The following BPIFB2 variants were observed in gnomAD, a reference collection of about 807,000 sequenced individuals.
BPIFB2 encodes the protein BPI fold-containing family B member 2.
A neutral mutation model predicts 50.1 loss-of-function variants in BPIFB2; 39 were observed. The observed-to-expected ratio is 0.78, with a 90% CI of 0.60 to 1.02. BPIFB2 has a LOEUF of 1.02. Among genes scored for constraint, BPIFB2 ranks in the 50% least tolerant of loss-of-function variants. BPIFB2 has a pLI of 0.00. For missense variants in BPIFB2, 574 were observed against 585.8 expected (o/e 0.98, Z 0.21); for synonymous variants, 280 against 256.3 (o/e 1.09, Z -0.88).
rs775653135 is a variant in BPIFB2 at position 33,018,297 on chromosome 20, T to C, written c.616T>C (p.Ser206Pro). The C allele has an allele frequency of 1.9e-6, 3 of 1,614,132 alleles. No homozygotes were observed. Among genetic ancestry groups the C allele is most frequent in the Non-Finnish European group, 1.7e-6 (2 of 1,179,984 alleles). Reference protein sequence around the residue: ...PVGPESQIRYSMVSVPTVTSD... With the variant: ...PVGPESQIRYPMVSVPTVTSD... The stretch of plus-strand genomic sequence containing the variant: ...GGGTCCTGAGTCCCAGATCCGCTAT[T>C]CCATGGTCAGTGTGCCCACTGTCAC... The change falls in exon 8 of 16, where the codon TCC becomes CCC. Residue 206 changes from serine (S) to proline (P), a missense_variant. Ser to Pro is a moderately conservative substitution (Grantham distance 74, BLOSUM62 -1). Transcript: ENST00000170150.
At chr20:33,020,226 C>T in intron 11 of BPIFB2, 102 bp from the exon 12 acceptor site, 6 of 1,160,842 alleles carry the variant, frequency 5.2e-6, no homozygotes, top group Non-Finnish European at 6.3e-6. Context: ...GCTCCACAGA[C>T]ACCTGCTGCC....
Position 33,009,087 on chromosome 20 carries a change from T to C in BPIFB2, c.109+404T>C, listed in dbSNP as rs953509312. On this transcript the variant is annotated intron_variant, in intron 2 of 15. Coordinates refer to ENST00000170150, the MANE Select transcript of BPIFB2 (RefSeq NM_025227.3). The surrounding 1 kb of genome is among the most constrained non-coding windows in gnomAD (Gnocchi z 4.2). The stretch of plus-strand genomic sequence containing the variant: ...TGCTGCCTGGATGTGTGTGCACAGG[T>C]ACGGCTGTTCACCCTGGGTGTACAC... 6.6e-6 allele frequency among the ~76,000 whole-genome samples: 1 copy of C among 152,184 alleles called. No individual in the cohort carries two copies. Among genetic ancestry groups the C allele is most frequent in the Non-Finnish European group, 1.5e-5 (1 of 68,030 alleles).
chr20:33,020,233 T>C, intron 11 of BPIFB2, 95 bp from the exon 12 acceptor site: 1 of 1,230,580 alleles, frequency 8.1e-7, no homozygotes, highest in Non-Finnish European at 1.2e-6. Context: ...AGACACCTGC[T>C]GCCTGAATGA....
At position 33,009,385 on chromosome 20, in the gene BPIFB2, A is replaced by T. The variant is rs1990257159; in HGVS notation, c.109+702A>T. On this transcript the variant is annotated intron_variant, in intron 2 of 15. Coordinates refer to ENST00000170150, the MANE Select transcript of BPIFB2 (RefSeq NM_025227.3). This position sits in a 1 kb window ranked among gnomAD's most constrained non-coding sequence, Gnocchi z 4.2. ...CAAGGTCCAGGACGCCAGCACAAACATGTTTATTCACCTCGAGTTGCCTCC... is the reference window on the plus strand; with the variant it reads ...CAAGGTCCAGGACGCCAGCACAAACTTGTTTATTCACCTCGAGTTGCCTCC... Among the ~76,000 whole-genome samples the T allele has an allele frequency of 6.6e-6, 1 of 152,116 alleles. No homozygotes were observed. The highest frequency in any genetic ancestry group is 2.1e-4 in the South Asian group (1 of 4,830).
At chr20:33,018,063 G>A (rs1303186578) in intron 7 of BPIFB2, among the ~76,000 whole-genome samples, 196 bp from the exon 8 acceptor site, 1 of 152,214 alleles carries the variant, frequency 6.6e-6, no homozygotes, top group East Asian at 1.9e-4. Context: ...CAGGCTGTGA[G>A]TAGCTCAATC....
rs1978760608 is a variant in BPIFB2 at position 33,023,533 on chromosome 20, T to G, written c.*150T>G. On this transcript the variant is annotated 3_prime_UTR_variant, in exon 16 of 16. Coordinates refer to ENST00000170150, the MANE Select transcript of BPIFB2 (RefSeq NM_025227.3). ...GCTGGGCTGTTTTATCTTCCCTGAG[T>G]GCCTGGGTCTCCCTCCCTCACTTCT... is the stretch of plus-strand genomic sequence containing the variant. 1.2e-6 allele frequency: 1 copy of G among 846,820 alleles called. No individual in the cohort carries two copies. The highest frequency in any genetic ancestry group is 1.9e-6 in the Non-Finnish European group (1 of 522,570). 52.5% of individuals were successfully genotyped at this position (846,820 alleles called of 1,614,324 possible).
chr20:33,019,932 C>T (rs1052667495), intron 11 of BPIFB2, among the ~76,000 whole-genome samples, 182 bp downstream of exon 11: 1 of 152,222 alleles, frequency 6.6e-6, no homozygotes, highest in Non-Finnish European at 1.5e-5. Context: ...ACTCTCCCAC[C>T]CTGGCTCTTG....
chr20:33,016,513 C>A (rs1039335871), intron 6 of BPIFB2, among the ~76,000 whole-genome samples: 2 of 152,210 alleles, frequency 1.3e-5, no homozygotes, highest in Non-Finnish European at 2.9e-5. Flanking sequence ...GTGCCCCTGG[C>A]CTTGCAGTTC....
Position 33,012,837 on chromosome 20 carries a change from C to T in BPIFB2, c.238C>T (p.His80Tyr), listed in dbSNP as rs1568976621. The T allele has an allele frequency of 1.2e-6, 2 of 1,614,008 alleles. No individual in the cohort carries two copies. Among genetic ancestry groups the T allele is most frequent in the Non-Finnish European group, 1.7e-6 (2 of 1,179,990 alleles). ...RILNVHVPRL[H>Y]LKFIAGFGVR... ...TCTGAATGTCCATGTGCCCCGCCTC[C>T]ACCTGAAATTCATTGCTGGTTTCGG... Residue 80 changes from histidine (H) to tyrosine (Y), a missense_variant, in exon 4 of 16, where the codon CAC (histidine) becomes TAC (tyrosine). His to Tyr is a moderately conservative substitution (Grantham distance 83). Coordinates refer to ENST00000170150, the MANE Select transcript of BPIFB2 (RefSeq NM_025227.3).
intron 4 of BPIFB2, 144 bp from the exon 5 acceptor site, chr20:33,013,666 A>T: frequency 1.7e-6 from 2 of 1,197,430 alleles, no homozygotes; most frequent in South Asian, 1.5e-5. Flanking sequence ...TGCCCCAGGT[A>T]GGGCCATCTC....
chr20:33,015,911 T>C (rs571095598), intron 6 of BPIFB2, among the ~76,000 whole-genome samples: 1 of 152,180 alleles, frequency 6.6e-6, no homozygotes, highest in South Asian at 2.1e-4. Context: ...GTTCCACATC[T>C]GTACTGAAAG....
intron 5 of BPIFB2, among the ~76,000 whole-genome samples, chr20:33,014,277 C>A (rs1034980385): frequency 6.6e-6 from 1 of 152,166 alleles, no homozygotes; most frequent in South Asian, 2.1e-4. Context: ...CGGAGACCCA[C>A]CCCTCCTAGC....
Position 33,023,568 on chromosome 20 carries a change from C to A in BPIFB2, c.*185C>A. On this transcript the variant is annotated 3_prime_UTR_variant, in exon 16 of 16. Transcript: ENST00000170150. ...TCCCTCCCTCACTTCTGCCCTTTCC[C>A]TTCCTCCTCCTCTTCTCCTCCCTCT... is the stretch of plus-strand genomic sequence containing the variant. 1 of 668,588 alleles carries A rather than the reference C, an allele frequency of 1.5e-6. No individual in the cohort carries two copies. The highest frequency in any genetic ancestry group is 2.7e-5 in the East Asian group (1 of 37,304). 41.4% of individuals were successfully genotyped at this position (668,588 alleles called of 1,614,324 possible).
In BPIFB2 at chr20:33,019,592, T is replaced by C. The variant is rs201033344; in HGVS notation, c.922T>C (p.Phe308Leu). ...GRLIPEVARQ[F>L]PEPMPVVLKV... is the part of the protein sequence containing the mutation. Reference sequence around the variant, plus strand: ...TCTGCCTCCCCAGGTGGCCCGCCAGTTTCCCGAGCCCATGCCTGTGGTGCT... The same window carrying C: ...TCTGCCTCCCCAGGTGGCCCGCCAGCTTCCCGAGCCCATGCCTGTGGTGCT... The change falls in exon 11 of 16, where the codon TTT becomes CTT. Residue 308 changes from phenylalanine (F) to leucine (L), a missense_variant. By Grantham distance (22) the Phe-to-Leu change is conservative (BLOSUM62 0). Coordinates refer to ENST00000170150, the MANE Select transcript of BPIFB2 (RefSeq NM_025227.3). The C allele has an allele frequency of 8.3e-5, 132 of 1,585,016 alleles. No individual in the cohort carries two copies. Among genetic ancestry groups the C allele is most frequent in the Non-Finnish European group, 1.1e-4 (129 of 1,162,424 alleles).
intron 11 of BPIFB2, 102 bp downstream of exon 11, chr20:33,019,852 C>A: frequency 7.4e-7 from 1 of 1,342,640 alleles, no homozygotes. Flanking sequence ...CTATTGTCTT[C>A]GCTGTTCCTT....
Position 33,012,900 on chromosome 20 carries a change from G to C in BPIFB2, c.301G>C (p.Val101Leu). The C allele has an allele frequency of 6.2e-7, 1 of 1,610,282 alleles. No individual in the cohort carries two copies. Among genetic ancestry groups the C allele is most frequent in the Non-Finnish European group, 8.5e-7 (1 of 1,176,566 alleles). Residue 101 changes from valine to leucine, a missense_variant, in exon 4 of 16, where the codon GTC becomes CTC. Physicochemically the swap from Val to Leu is conservative, Grantham distance 32. Coordinates refer to ENST00000170150, the MANE Select transcript of BPIFB2 (RefSeq NM_025227.3). The part of the protein sequence containing the change: ...LLAAANFTFK[V>L]FRAPEPLELT... ...GGCAGCAGCTAATTTTACTTTCAAG[G>C]TCTTTCGGTGAGCGGATCTCCTTGT... is the stretch of plus-strand genomic sequence containing the variant.
chr20:33,013,364 G>T (rs1054435293), intron 4 of BPIFB2, among the ~76,000 whole-genome samples: 1 of 152,152 alleles, frequency 6.6e-6, no homozygotes, highest in Non-Finnish European at 1.5e-5. Context: ...AGTCAGAGGG[G>T]TCTCTTATCT....
chr20:33,019,621 G>C lies in BPIFB2; in HGVS notation c.951G>C (p.Lys317Asn). The C allele has an allele frequency of 1.9e-6, 3 of 1,609,150 alleles. No homozygotes were observed. Among genetic ancestry groups the C allele is most frequent in the Non-Finnish European group, 2.5e-6 (3 of 1,176,964 alleles). ...CCGAGCCCATGCCTGTGGTGCTCAA[G>C]GTGCGGCTGGGTGCCACACCTGTGG... ...QFPEPMPVVL[K>N]VRLGATPVAM... The change falls in exon 11 of 16, where the codon AAG becomes AAC. Residue 317 changes from lysine to asparagine, a missense_variant. By Grantham distance (94) the Lys-to-Asn change is moderately conservative (BLOSUM62 0). Transcript: ENST00000170150.
At chr20:33,021,202 T>G in intron 13 of BPIFB2, 79 bp from the exon 14 acceptor site, 1 of 1,455,092 alleles carries the variant, frequency 6.9e-7, no homozygotes, top group Non-Finnish European at 9.6e-7. Flanking sequence ...TCTGTGTATA[T>G]TTATGTATGT....
Sources: allele counts gnomAD v4.1 joint callset (sites outside exome capture counted in the v4.1 genomes callset), GRCh38; gene constraint gnomAD v4.1.1; non-coding constraint Gnocchi (gnomAD v3.1); transcripts MANE v1.5; gene names NCBI Gene and HGNC (gene_info 2026-07-23, HGNC 2026-07-21).